MGAT1: variants seen among roughly 807,000 people sequenced by gnomAD.
MGAT1 encodes the protein N-glycosyl-oligosaccharide-glycoprotein N-acetylglucosaminyltransferase I.
A neutral mutation model predicts 31.7 loss-of-function variants in MGAT1; 14 were observed. The observed-to-expected ratio is 0.44, with a 90% CI of 0.29 to 0.69. The LOEUF (loss-of-function observed/expected upper bound fraction) is 0.69. MGAT1 is among the 30% of genes least tolerant of loss of function. The pLI is 0.12. For synonymous variants in MGAT1, 338 were observed against 276.0 expected (o/e 1.22, Z -2.23); for missense variants, 557 against 626.0 (o/e 0.89, Z 1.18).
At chr5:180,814,052 G>A (rs1772719830) in intron 1 of MGAT1, among the ~76,000 whole-genome samples, 1 of 152,086 alleles carries the variant, frequency 6.6e-6, no homozygotes, top group Non-Finnish European at 1.5e-5. Context: ...GATTTTCAAT[G>A]TTTTGTTGGC....
At chr5:180,793,284 A>T (rs896361181) in intron 1 of MGAT1, among the ~76,000 whole-genome samples, 187 bp from the exon 2 acceptor site, 1 of 152,182 alleles carries the variant, frequency 6.6e-6, no homozygotes, top group Non-Finnish European at 1.5e-5. Flanking sequence ...AGGGAGAGGC[A>T]GAGAGTGATG....
chr5:180,806,167 T>A (rs1460145061), upstream of MGAT1, among the ~76,000 whole-genome samples: 9 of 151,996 alleles, frequency 5.9e-5, no homozygotes, highest in Admixed American at 3.3e-4. Context: ...GTGCCTGTAG[T>A]CCCAGCTACT....
At chr5:180,808,872 C>G (rs1031007205) in exon 2 of MGAT1, 3 of 151,740 alleles carry the variant, frequency 2.0e-5, no homozygotes, top group East Asian at 1.9e-4. Context: ...GTGCCCCTCT[C>G]AGGGGTCCGT....
chr5:180,795,368 A>G (rs1427815359), intron 1 of MGAT1: 1 of 152,210 alleles, frequency 6.6e-6, no homozygotes, highest in African/African-American at 2.4e-5. Context: ...GCACATATTG[A>G]TATCAATTGT....
chr5:180,812,889 TA>T (rs1276880565), intron 1 of MGAT1, among the ~76,000 whole-genome samples: 2 of 152,192 alleles, frequency 1.3e-5, no homozygotes, highest in South Asian at 4.1e-4. Flanking sequence ...AATGATAAAA[TA>T]AAAAAGCAAA....
In MGAT1 at chr5:180,791,374, G is replaced by A; in HGVS notation, c.*260C>T. On this transcript the variant is annotated 3_prime_UTR_variant, in exon 2 of 2. Coordinates refer to ENST00000307826, the MANE Select transcript of MGAT1 (RefSeq NM_002406.4). ...ACGTGGACATTTCTGGCCCCAACAA[G>A]CCCAGTGCCCCCCACCACACAGTGG... The A allele has an allele frequency of 9.0e-6, 5 of 552,940 alleles. No homozygotes were observed. Among genetic ancestry groups the A allele is most frequent in the Non-Finnish European group, 1.6e-5 (5 of 312,876 alleles). The allele number at this position is 552,940 out of a possible 1,614,324, so 34.3% of individuals were successfully genotyped here. A position where few individuals can be genotyped will look rare whatever the true frequency, so the allele number is the denominator to read the frequency against.
chr5:180,793,440 G>A (rs907605340), intron 1 of MGAT1, among the ~76,000 whole-genome samples: 1 of 152,108 alleles, frequency 6.6e-6, no homozygotes, highest in African/African-American at 2.4e-5. Flanking sequence ...GCCCCAAGAT[G>A]ACTGATTTTT....
upstream of MGAT1, among the ~76,000 whole-genome samples, chr5:180,804,374 T>C (rs1414171247): frequency 1.3e-5 from 2 of 152,188 alleles, no homozygotes; most frequent in African/African-American, 4.8e-5. Context: ...CTGTCTCCTC[T>C]CAGGCGCTGC....
At chr5:180,800,924 G>C (rs908763226) in intron 1 of MGAT1, among the ~76,000 whole-genome samples, 22 of 152,220 alleles carry the variant, frequency 1.4e-4, no homozygotes, top group Non-Finnish European at 2.9e-5. Flanking sequence ...CTCAAAACTG[G>C]CTTTGACTTT....
At chr5:180,793,622 A>G (rs1415512185) in intron 1 of MGAT1, among the ~76,000 whole-genome samples, 1 of 152,220 alleles carries the variant, frequency 6.6e-6, no homozygotes, top group Non-Finnish European at 1.5e-5. Context: ...AAAAAATTCA[A>G]AGCAGAAGTG....
At chr5:180,812,559 C>T (rs952950510) in intron 1 of MGAT1, among the ~76,000 whole-genome samples, 64 of 152,024 alleles carry the variant, frequency 4.2e-4, no homozygotes, top group East Asian at 3.9e-4. Flanking sequence ...TACACACGCA[C>T]ACACACACAG....
rs1391552469 is a variant in MGAT1, at chr5:180,787,947, C to T, written c.*3687G>A. The T allele has an allele frequency of 6.5e-6, 1 of 152,846 alleles. No homozygotes were observed. The allele number at this position is 152,846 out of a possible 1,614,324, so 9.5% of individuals were successfully genotyped here. A position where few individuals can be genotyped will look rare whatever the true frequency, so the allele number is the denominator to read the frequency against. On this transcript the variant is annotated 3_prime_UTR_variant, in exon 2 of 2. Transcript: ENST00000307826. ...GAAGGCTGCCCGGAAGGCAGTCTGT[C>T]CTGGAGACAGAGTGAGCAGGAACCC...
At chr5:180,810,585 C>G (rs1370095047) in intron 1 of MGAT1, 1 of 152,338 alleles carries the variant, frequency 6.6e-6, no homozygotes, top group Non-Finnish European at 1.5e-5. Flanking sequence ...AGGGGCGGAA[C>G]CTGTGCGGTG....
chr5:180,811,541 C>G (rs1045975765), intron 1 of MGAT1, among the ~76,000 whole-genome samples: 1 of 152,048 alleles, frequency 6.6e-6, no homozygotes, highest in Non-Finnish European at 1.5e-5. Flanking sequence ...CTCTCACCCC[C>G]TCTACACAAT....
At chr5:180,812,643 T>A (rs1263805166) in intron 1 of MGAT1, among the ~76,000 whole-genome samples, 1 of 152,238 alleles carries the variant, frequency 6.6e-6, no homozygotes, top group Non-Finnish European at 1.5e-5. Flanking sequence ...ATTGTAACTT[T>A]ATTTTCTATA....
Position 180,787,934 on chromosome 5 carries a change from G to A in MGAT1, c.*3700C>T, listed in dbSNP as rs1193727746. The A allele has an allele frequency of 1.3e-5, 2 of 152,526 alleles. No homozygotes were observed. The allele number at this position is 152,526 out of a possible 1,614,324, so 9.4% of individuals were successfully genotyped here. ...AGGCTTGAGGAGGGAAGGCTGCCCG[G>A]AAGGCAGTCTGTCCTGGAGACAGAG... On this transcript the variant is annotated 3_prime_UTR_variant, in exon 2 of 2. Transcript: ENST00000307826.
Position 180,787,115 on chromosome 5 carries a change from G to T in MGAT1, c.*4519C>A, listed in dbSNP as rs974561876. 7.2e-5 allele frequency: 11 copies of T among 152,316 alleles called. No individual in the cohort carries two copies. Among genetic ancestry groups the T allele is most frequent in the African/African-American group, 2.7e-4 (11 of 41,456 alleles). 9.4% of individuals were successfully genotyped at this position (152,316 alleles called of 1,614,324 possible). Reference sequence around the variant, plus strand: ...ATTAATCCCACAGCCACCACAGAAGGTTGTGTTACCCCCGCCTCACAGGAA... The same window carrying T: ...ATTAATCCCACAGCCACCACAGAAGTTTGTGTTACCCCCGCCTCACAGGAA... On this transcript the variant is annotated 3_prime_UTR_variant, in exon 2 of 2. Coordinates refer to ENST00000307826, the MANE Select transcript of MGAT1 (RefSeq NM_002406.4).
In MGAT1 at chr5:180,793,112, G is replaced by T; in HGVS notation, c.-126-15C>A. 1.9e-6 allele frequency: 2 copies of T among 1,046,248 alleles called. No individual in the cohort carries two copies. The highest frequency in any genetic ancestry group is 1.4e-6 in the Non-Finnish European group (1 of 738,082). The allele number at this position is 1,046,248 out of a possible 1,614,324, so 64.8% of individuals were successfully genotyped here. ...CAGCCATGCACCTAAAGACAGGAGA[G>T]AGAAAGCAAACCGTCACACAAAGGC... On this transcript the variant is annotated splice_polypyrimidine_tract_variant and intron_variant, in intron 1 of 1. Coordinates refer to ENST00000307826, the MANE Select transcript of MGAT1 (RefSeq NM_002406.4).
intron 1 of MGAT1, chr5:180,809,476 T>A (rs535517745): frequency 3.9e-5 from 6 of 152,238 alleles, no homozygotes; most frequent in Admixed American, 1.3e-4. Context: ...TCTCCCAAGC[T>A]TCTTAGGGTG....
Sources: gnomAD v4.1 joint callset for allele counts (sites outside exome capture counted in the v4.1 genomes callset) on GRCh38, gnomAD v4.1.1 for gene constraint, MANE v1.5 for transcripts, NCBI Gene and HGNC (gene_info 2026-07-23, HGNC 2026-07-21) for gene names.